The following AKAP9 variants were observed in gnomAD, a reference collection of about 807,000 sequenced individuals.
AKAP9 encodes the protein A-kinase anchoring protein 9, also known as A-kinase anchor protein 9.
A neutral mutation model predicts 488.5 loss-of-function variants in AKAP9; 311 were observed. The observed-to-expected ratio is 0.64, with a 90% CI of 0.58 to 0.70. The LOEUF (loss-of-function observed/expected upper bound fraction) is 0.70. AKAP9 is among the 30% of genes least tolerant of loss of function. AKAP9 has a pLI of 0.00. For synonymous variants in AKAP9, 1,462 were observed against 1,483.5 expected (o/e 0.99, Z 0.33); for missense variants, 4,215 against 4,374.5 (o/e 0.96, Z 1.03).
rs1444861482 is a variant in AKAP9, at chr7:92,105,450, A to G, written c.11331-228A>G. Among the ~76,000 whole-genome samples, 3 of 152,142 alleles carry G rather than the reference A, an allele frequency of 2.0e-5. No individual in the cohort carries two copies. The East Asian group carries it at 5.8e-4, about 29-fold the overall frequency. ...CAAGCTGGAACCTGATGCTGGCAATATAAGAGACCTCTAATGCCTCTTGGG... is the reference window on the plus strand; with the variant it reads ...CAAGCTGGAACCTGATGCTGGCAATGTAAGAGACCTCTAATGCCTCTTGGG... On this transcript the variant is annotated intron_variant, in intron 46 of 49. Transcript: ENST00000356239.
intron 39 of AKAP9, among the ~76,000 whole-genome samples, 170 bp downstream of exon 39, chr7:92,093,486 A>T (rs894808093): frequency 1.3e-5 from 2 of 152,310 alleles, no homozygotes; most frequent in East Asian, 3.9e-4. Flanking sequence ...CCAAATGATG[A>T]ACTTATGATC....
At chr7:92,020,528 T>G (rs567350596) in intron 12 of AKAP9, among the ~76,000 whole-genome samples, 1 of 152,344 alleles carries the variant, frequency 6.6e-6, no homozygotes, top group Admixed American at 6.5e-5. Flanking sequence ...TTGATTACCC[T>G]TCTGTCCTTC....
At chr7:91,973,367 C>T (rs1795311971) in intron 1 of AKAP9, among the ~76,000 whole-genome samples, 2 of 152,030 alleles carry the variant, frequency 1.3e-5, no homozygotes, top group African/African-American at 2.4e-5. Flanking sequence ...AGAGTAAGAC[C>T]CTGTCTCAAA....
intron 45 of AKAP9, among the ~76,000 whole-genome samples, 171 bp from the exon 46 acceptor site, chr7:92,102,421 CAG>C (rs1163966725): frequency 6.7e-6 from 1 of 150,338 alleles, no homozygotes; most frequent in Non-Finnish European, 1.5e-5. Context: ...AAGTAGAAAA[CAG>C]TGATAGGAAC....
At chr7:91,975,174 T>G (rs367613895) in intron 2 of AKAP9, among the ~76,000 whole-genome samples, 2 of 152,230 alleles carry the variant, frequency 1.3e-5, no homozygotes, top group South Asian at 2.1e-4. Context: ...TTTTATTTTA[T>G]TTTAGTTTTT....
Position 92,108,539 on chromosome 7 carries a change from T to C in AKAP9, c.11592T>C (p.Cys3864=), listed in dbSNP as rs778100661. ...ATTTCAATCCTGGTTCTTTAGCATG[T>C]TCTCAGCTTCAGAATTACGATCCTG... ...PADFNPGSLA[C]SQLQNYDPDR... Residue 3864 remains cysteine (C), a synonymous_variant, in exon 49 of 50, where the codon TGT becomes TGC. Coordinates refer to ENST00000356239, the MANE Select transcript of AKAP9 (RefSeq NM_005751.5). The C allele has an allele frequency of 6.2e-7, 1 of 1,614,046 alleles. No homozygotes were observed. The highest frequency in any genetic ancestry group is 1.3e-5 in the African/African-American group (1 of 74,928).
intron 8 of AKAP9, among the ~76,000 whole-genome samples, chr7:92,004,778 C>G (rs898612933): frequency 6.6e-6 from 1 of 152,204 alleles, no homozygotes; most frequent in Non-Finnish European, 1.5e-5. Context: ...GACAATTTGA[C>G]TTCCTCTTTT....
intron 7 of AKAP9, among the ~76,000 whole-genome samples, chr7:91,999,944 A>G (rs745951011): frequency 1.3e-5 from 2 of 152,138 alleles, no homozygotes; most frequent in African/African-American, 4.8e-5. Flanking sequence ...TTACTTACCT[A>G]CTTATGTCCT....
At chr7:92,101,154 G>A in intron 45 of AKAP9, 98 bp downstream of exon 45, 1 of 1,239,690 alleles carries the variant, frequency 8.1e-7, no homozygotes, top group Non-Finnish European at 1.1e-6. Flanking sequence ...AAGAAATTTA[G>A]GGCCTGGCAC....
chr7:92,078,006 A>T (rs896192001), intron 30 of AKAP9, 131 bp downstream of exon 30: 22 of 611,544 alleles, frequency 3.6e-5, no homozygotes, highest in Admixed American at 2.0e-4. Context: ...TATTTTATTT[A>T]TTTTTTTTGA....
At position 92,048,609 on chromosome 7, in the gene AKAP9, T is replaced by TA. The variant is rs563665501; in HGVS notation, c.5368+3397dup. Among the ~76,000 whole-genome samples the TA allele has an allele frequency of 4.3e-4, 65 of 152,296 alleles. 1 individual carries two copies. In the East Asian group the frequency reaches 0.012, roughly 28 times the overall value. On this transcript the variant is annotated intron_variant, in intron 21 of 49. Coordinates refer to ENST00000356239, the MANE Select transcript of AKAP9 (RefSeq NM_005751.5). ...CTCCTTTTGGAGAAATGCTGTCTTA[T>TA]AGAAGGAATGCTAGGGGCTGAGAGT...
chr7:92,035,707 C>T (rs1484743468), intron 16 of AKAP9, among the ~76,000 whole-genome samples: 1 of 152,168 alleles, frequency 6.6e-6, no homozygotes, highest in Non-Finnish European at 1.5e-5. Flanking sequence ...TAAGTTTTGA[C>T]TTCCCTCTGC....
At position 92,102,481 on chromosome 7, in the gene AKAP9, C is replaced by CTAG. The variant is rs1563151432; in HGVS notation, c.11098-111_11098-110insGTA. Reference sequence around the variant, plus strand: ...ACTACTACTACTACTACTACTACTACTACTACTACCACCACCACCACCACT... The same window carrying CTAG: ...ACTACTACTACTACTACTACTACTACTAGTACTACTACCACCACCACCACCACT... On this transcript the variant is annotated intron_variant, in intron 45 of 49. Coordinates refer to ENST00000356239, the MANE Select transcript of AKAP9 (RefSeq NM_005751.5). 15 of 736,966 alleles carry CTAG rather than the reference C, an allele frequency of 2.0e-5. No homozygotes were observed. In the African/African-American group the frequency reaches 2.4e-4, roughly 12 times the overall value. The allele number at this position is 736,966 out of a possible 1,614,324, so 45.7% of individuals were successfully genotyped here. A position where few individuals can be genotyped will look rare whatever the true frequency, so the allele number is the denominator to read the frequency against.
chr7:92,031,886 T>C (rs1418456680), intron 16 of AKAP9, among the ~76,000 whole-genome samples: 1 of 152,212 alleles, frequency 6.6e-6, no homozygotes, highest in Non-Finnish European at 1.5e-5. Context: ...TTGGTCTTCC[T>C]TAAAAGTTGG....
At chr7:92,091,622 C>A (rs1462690907) in intron 38 of AKAP9, among the ~76,000 whole-genome samples, 4 of 143,308 alleles carry the variant, frequency 2.8e-5, no homozygotes, top group African/African-American at 7.9e-5. Flanking sequence ...AAAGCAGAAG[C>A]ATTCTTACCA....
At chr7:91,998,504 A>G (rs1798710114) in intron 7 of AKAP9, among the ~76,000 whole-genome samples, 1 of 142,102 alleles carries the variant, frequency 7.0e-6, no homozygotes, top group African/African-American at 2.5e-5. Context: ...AATAAGTGAT[A>G]CTAAGAAAAA....
chr7:92,045,305 A>G (rs1806782873), intron 21 of AKAP9, 92 bp downstream of exon 21: 14 of 1,285,214 alleles, frequency 1.1e-5, no homozygotes, highest in Admixed American at 3.5e-5. Flanking sequence ...AGAAGAGAAA[A>G]TAAGTATTTT....
rs1584499255 is a variant in AKAP9 at position 91,941,912 on chromosome 7, GAA to G, written c.48+766_48+767del. Among the ~76,000 whole-genome samples, 35 of 151,788 alleles carry G rather than the reference GAA, an allele frequency of 2.3e-4. No individual in the cohort carries two copies. In the East Asian group the frequency reaches 6.8e-3, roughly 29 times the overall value. ...TGTGTGTGTGTGTGTGTGTGTGTGT[GAA>G]CGGTTATGGAAAAGCCTGTAAAGCA... On this transcript the variant is annotated intron_variant, in intron 1 of 49. Transcript: ENST00000356239.
chr7:92,017,097 A>T lies in AKAP9; in HGVS notation c.3832A>T (p.Ser1278Cys). ...ACTCTTGGTACTTCAAACACGACTA[A>T]GCAAGGTCTGTGAGATGGAAAATAT... ...NKLLVLQTRL[S>C]KIWGQQTDGM... Residue 1278 changes from serine (S) to cysteine (C), a missense_variant, in exon 12 of 50, where the codon AGC becomes TGC. Ser to Cys is a moderately radical substitution (Grantham distance 112). Around this residue, in one of 5 missense-constraint regions of AKAP9, gnomAD observed 2,361 missense variants for 2,430.0 expected, o/e 0.97. Transcript: ENST00000356239. The T allele has an allele frequency of 6.4e-7, 1 of 1,567,106 alleles. No homozygotes were observed. The highest frequency in any genetic ancestry group is 8.7e-7 in the Non-Finnish European group (1 of 1,143,342).
Sources: allele counts gnomAD v4.1 joint callset (sites outside exome capture counted in the v4.1 genomes callset), GRCh38; gene constraint gnomAD v4.1.1; regional missense constraint gnomAD v4.1.1; transcripts MANE v1.5; gene names NCBI Gene and HGNC (gene_info 2026-07-23, HGNC 2026-07-21).